CACNA2D2: variants seen among roughly 807,000 people sequenced by gnomAD.
The protein encoded by CACNA2D2 is voltage-dependent calcium channel subunit alpha-2/delta-2.
Under a neutral mutation model 166.4 loss-of-function variants are expected in CACNA2D2, and 48 were observed. The observed-to-expected ratio is 0.29, with a 90% CI of 0.23 to 0.37. The LOEUF is 0.37. Ranked by LOEUF, CACNA2D2 falls within the 10% of genes least tolerant of loss-of-function variation. CACNA2D2 has a pLI of 1.00. For missense variants in CACNA2D2, 1,122 were observed against 1,433.0 expected (o/e 0.78, Z 3.50); for synonymous variants, 561 against 573.7 (o/e 0.98, Z 0.32).
In CACNA2D2 at chr3:50,366,558, T is replaced by G. The variant is rs1575583305; in HGVS notation, c.2637+20A>C. 6.2e-7 allele frequency: 1 copy of G among 1,613,218 alleles called. No individual in the cohort carries two copies. Among genetic ancestry groups the G allele is most frequent in the Non-Finnish European group, 8.5e-7 (1 of 1,179,392 alleles). On this transcript the variant is annotated intron_variant, in intron 30 of 37. Transcript: ENST00000424201. The surrounding 1 kb of genome is among the most constrained non-coding windows in gnomAD (Gnocchi z 5.9). ...AAGTGGGGTAAGCTAGGGTCCAGGG[T>G]AGGTTCAGGGCACACACACCTCATT... is the stretch of plus-strand genomic sequence containing the variant.
At chr3:50,451,172 C>T (rs1350820269) in intron 2 of CACNA2D2, among the ~76,000 whole-genome samples, 1 of 151,928 alleles carries the variant, frequency 6.6e-6, no homozygotes, top group African/African-American at 2.4e-5. Context: ...GTTGCCCAGG[C>T]TGGAGTGCAA....
chr3:50,449,895 G>A (rs371029994), intron 2 of CACNA2D2, among the ~76,000 whole-genome samples: 2 of 152,196 alleles, frequency 1.3e-5, no homozygotes, highest in African/African-American at 4.8e-5. Context: ...CCCATGAAGT[G>A]GAGCTGCTTC....
chr3:50,448,277 G>A (rs1575701968), intron 2 of CACNA2D2, among the ~76,000 whole-genome samples: 1 of 152,330 alleles, frequency 6.6e-6, no homozygotes, highest in African/African-American at 2.4e-5. Flanking sequence ...GCTTTGTGGA[G>A]TCATCAACGT....
intron 1 of CACNA2D2, among the ~76,000 whole-genome samples, chr3:50,503,017 G>A (rs991665268): frequency 2.6e-5 from 4 of 152,342 alleles, no homozygotes; most frequent in Admixed American, 1.3e-4. Flanking sequence ...GGCACCGCGG[G>A]GAAGTTTCGC....
chr3:50,393,993 A>T, intron 4 of CACNA2D2, 116 bp downstream of exon 4: 1 of 859,584 alleles, frequency 1.2e-6, no homozygotes, highest in Non-Finnish European at 1.9e-6. Flanking sequence ...TTCTGGCTCT[A>T]CTCCACAGAC....
rs1262729444 is a variant in CACNA2D2, at chr3:50,366,367, GGA to G, written c.2638-31_2638-30del. On this transcript the variant is annotated intron_variant, in intron 30 of 37. Coordinates refer to ENST00000424201, the MANE Select transcript of CACNA2D2 (RefSeq NM_006030.4). This position sits in a 1 kb window ranked among gnomAD's most constrained non-coding sequence, Gnocchi z 5.9. ...GGAGGAAGGGAATGGGGAGGAAAAT[GGA>G]GAGGGGCTGGGCCCCGGACCTTCCA... 8.7e-6 allele frequency: 14 copies of G among 1,609,948 alleles called. No individual in the cohort carries two copies. Among genetic ancestry groups the G allele is most frequent in the Non-Finnish European group, 1.1e-5 (13 of 1,176,364 alleles).
chr3:50,406,436 A>C (rs1706714517), intron 3 of CACNA2D2, among the ~76,000 whole-genome samples: 1 of 151,584 alleles, frequency 6.6e-6, no homozygotes, highest in Non-Finnish European at 1.5e-5. Flanking sequence ...CTCCACAGGG[A>C]GCCCCCCATC....
At chr3:50,393,047 G>A (rs7612641) in intron 4 of CACNA2D2, among the ~76,000 whole-genome samples, 5,291 of 152,238 alleles carry the variant, frequency 0.035, 332 homozygotes, top group African/African-American at 0.12. Flanking sequence ...GGACTGGGGA[G>A]GAGGAACAGA....
chr3:50,473,549 T>C (rs958358190), intron 2 of CACNA2D2, among the ~76,000 whole-genome samples: 2 of 152,194 alleles, frequency 1.3e-5, no homozygotes, highest in African/African-American at 4.8e-5. Flanking sequence ...GCAGAGCTGG[T>C]GCCAGGGTCT....
intron 22 of CACNA2D2, among the ~76,000 whole-genome samples, chr3:50,370,645 G>A (rs1282629872): frequency 6.6e-6 from 1 of 152,150 alleles, no homozygotes. Context: ...TCTGTCGGCA[G>A]TGAGTCCCTT....
chr3:50,451,956 C>A (rs1709122407), intron 2 of CACNA2D2, among the ~76,000 whole-genome samples: 1 of 152,234 alleles, frequency 6.6e-6, no homozygotes, highest in Admixed American at 6.5e-5. Flanking sequence ...GAACCTGGGT[C>A]CAAGCTGCAC....
intron 4 of CACNA2D2, among the ~76,000 whole-genome samples, chr3:50,389,511 A>G (rs1013649155): frequency 6.6e-6 from 1 of 152,182 alleles, no homozygotes; most frequent in African/African-American, 2.4e-5. Flanking sequence ...CAAGCATGGG[A>G]AAGGACACAG....
intron 2 of CACNA2D2, among the ~76,000 whole-genome samples, chr3:50,467,083 C>T (rs9814606): frequency 0.097 from 14,821 of 152,028 alleles, 2,110 homozygotes; most frequent in African/African-American, 0.31. Context: ...GGGGAGGACA[C>T]CCAAAGGCCT....
intron 1 of CACNA2D2, among the ~76,000 whole-genome samples, chr3:50,478,453 C>T (rs894314984): frequency 4.6e-5 from 7 of 152,306 alleles, no homozygotes; most frequent in East Asian, 1.9e-4. Context: ...TTAGCTCTGC[C>T]CTGGCCCTGA....
intron 1 of CACNA2D2, among the ~76,000 whole-genome samples, chr3:50,502,609 C>T (rs539053977): frequency 6.6e-6 from 1 of 152,352 alleles, no homozygotes; most frequent in South Asian, 2.1e-4. Flanking sequence ...GCCTTCACCT[C>T]CCAACTGGGC....
chr3:50,384,677 CAGA>C (rs1240102575), intron 5 of CACNA2D2, among the ~76,000 whole-genome samples: 2 of 152,190 alleles, frequency 1.3e-5, no homozygotes, highest in Non-Finnish European at 2.9e-5. Flanking sequence ...TGGAGCCAAT[CAGA>C]AGGAGCAGGC....
chr3:50,490,087 G>A (rs1698462789), intron 1 of CACNA2D2, among the ~76,000 whole-genome samples: 1 of 152,220 alleles, frequency 6.6e-6, no homozygotes, highest in Middle Eastern at 3.4e-3. Flanking sequence ...CTGTGGAGTG[G>A]GCGGCAGGGC....
intron 22 of CACNA2D2, 57 bp downstream of exon 22, chr3:50,374,680 G>A: frequency 6.5e-7 from 1 of 1,546,272 alleles, no homozygotes; most frequent in Non-Finnish European, 8.8e-7. Flanking sequence ...CCTGGGGCCG[G>A]CCAGGGTGCG....
intron 3 of CACNA2D2, among the ~76,000 whole-genome samples, chr3:50,423,992 C>T (rs968339861): frequency 6.6e-6 from 1 of 152,278 alleles, no homozygotes; most frequent in African/African-American, 2.4e-5. Flanking sequence ...CCCCCAGAAG[C>T]ATCCCTCCCT....
Sources: gnomAD v4.1 joint callset for allele counts (sites outside exome capture counted in the v4.1 genomes callset) on GRCh38, gnomAD v4.1.1 for gene constraint, Gnocchi (gnomAD v3.1) non-coding constraint, MANE v1.5 for transcripts, NCBI Gene and HGNC (gene_info 2026-07-23, HGNC 2026-07-21) for gene names.